Variants in SDK2 observed in about 807,000 individuals in gnomAD.
SDK2 encodes the protein protein sidekick-2.
In SDK2, 105 loss-of-function variants were observed where a neutral mutation model predicts 253.9. The observed-to-expected ratio is 0.41, with a 90% CI of 0.35 to 0.49. The LOEUF is 0.49. Ranked by LOEUF, SDK2 falls within the 20% of genes least tolerant of loss-of-function variation. SDK2 has a pLI of 0.06. For missense variants in SDK2, 2,608 were observed against 3,003.0 expected, an observed-to-expected ratio of 0.87 and a Z score of 3.07; for synonymous variants, 1,249 against 1,234.9, an observed-to-expected ratio of 1.01 and a Z score of -0.24.
chr17:73,488,238 G>C (rs945546998), intron 2 of SDK2, among the ~76,000 whole-genome samples: 1 of 151,976 alleles, frequency 6.6e-6, no homozygotes, highest in Non-Finnish European at 1.5e-5. Context: ...GGATGGTCTC[G>C]ATCTCCTAAC....
At chr17:73,598,223 G>GA (rs2045787588) in intron 1 of SDK2, among the ~76,000 whole-genome samples, 1 of 152,156 alleles carries the variant, frequency 6.6e-6, no homozygotes, top group Non-Finnish European at 1.5e-5. Context: ...CAGGTGACAG[G>GA]AGTAGGCCGG....
At chr17:73,621,576 G>T (rs1316200650) in intron 1 of SDK2, among the ~76,000 whole-genome samples, 1 of 151,726 alleles carries the variant, frequency 6.6e-6, no homozygotes, top group African/African-American at 2.4e-5. Flanking sequence ...TAGAAAGCTA[G>T]AAGTTATATA....
At chr17:73,581,742 C>A (rs1222662743) in intron 1 of SDK2, among the ~76,000 whole-genome samples, 2 of 152,240 alleles carry the variant, frequency 1.3e-5, no homozygotes, top group Non-Finnish European at 1.5e-5. Context: ...AGCCTGTCTG[C>A]ACCTGACGCA....
At chr17:73,388,437 C>A (rs2062892836) in intron 29 of SDK2, among the ~76,000 whole-genome samples, 1 of 152,218 alleles carries the variant, frequency 6.6e-6, no homozygotes, top group Non-Finnish European at 1.5e-5. Context: ...TCATTCCAGG[C>A]CCTAGCTTGG....
intron 10 of SDK2, among the ~76,000 whole-genome samples, chr17:73,432,689 G>C (rs1274833653): frequency 1.3e-5 from 2 of 150,550 alleles, no homozygotes; most frequent in Admixed American, 1.3e-4. Flanking sequence ...GAGGGCTGGG[G>C]GCTGGGGCAG....
intron 29 of SDK2, among the ~76,000 whole-genome samples, chr17:73,389,711 A>G (rs2062910974): frequency 6.6e-6 from 1 of 152,104 alleles, no homozygotes; most frequent in African/African-American, 2.4e-5. Flanking sequence ...CAGGGCTGTG[A>G]GTGGGGAGGG....
In SDK2 at chr17:73,393,616, C is replaced by T. The variant is rs758215851; in HGVS notation, c.3842G>A (p.Arg1281His). ...LYEVQVLAFTRIGDGSPSHPP... is the reference protein window; with the variant it reads ...LYEVQVLAFTHIGDGSPSHPP... ...GTGGCTGGGGCTGCCGTCCCCGATG[C>T]GTGTGAAGGCCAGCACCTGGACTTC... Residue 1281 changes from arginine to histidine, a missense_variant, in exon 27 of 45, where the codon CGC (arginine) becomes CAC (histidine). Around this residue, in one of 2 missense-constraint regions of SDK2, gnomAD observed 1,505 missense variants for 1,859.1 expected, o/e 0.81. Transcript: ENST00000392650. The T allele has an allele frequency of 1.3e-5, 21 of 1,587,746 alleles. No homozygotes were observed. The highest frequency in any genetic ancestry group is 4.5e-5 in the South Asian group (4 of 88,128).
At chr17:73,354,780 C>T (rs908416292) in intron 40 of SDK2, among the ~76,000 whole-genome samples, 2 of 151,988 alleles carry the variant, frequency 1.3e-5, no homozygotes, top group African/African-American at 4.8e-5. Flanking sequence ...ATGCAGGGCC[C>T]GTTCTTCTCG....
At position 73,424,008 on chromosome 17, in the gene SDK2, G is replaced by T; in HGVS notation, c.1668C>A (p.Ile556=). Residue 556 remains isoleucine (I), a synonymous_variant, in exon 13 of 45, where the codon ATC becomes ATA. Coordinates refer to ENST00000392650, the MANE Select transcript of SDK2 (RefSeq NM_001144952.2). ...IRLDRNGSLH[I]SQTWSGDIGT... is the part of the protein sequence containing the mutation. ...CGATGTCTCCCGACCACGTCTGTGA[G>T]ATGTGCAGGGAGCCGTTTCTGTCCA... 1 of 1,612,284 alleles carries T rather than the reference G, an allele frequency of 6.2e-7. No homozygotes were observed. The highest frequency in any genetic ancestry group is 1.1e-5 in the South Asian group (1 of 90,612).
At chr17:73,369,061 C>G (rs754594038) in intron 36 of SDK2, 1 of 397,508 alleles carries the variant, frequency 2.5e-6, no homozygotes, top group Non-Finnish European at 5.3e-6. Flanking sequence ...CTTTCTGGAA[C>G]CTTCCTTTTC....
At chr17:73,423,858 C>T in intron 13 of SDK2, 58 bp downstream of exon 13, 1 of 1,402,850 alleles carries the variant, frequency 7.1e-7, no homozygotes, top group Non-Finnish European at 9.6e-7. Context: ...TGGCTCTGAG[C>T]ATGCCAGTTG....
intron 38 of SDK2, among the ~76,000 whole-genome samples, chr17:73,364,783 G>A (rs2062669861): frequency 6.6e-6 from 1 of 151,998 alleles, no homozygotes; most frequent in Non-Finnish European, 1.5e-5. Flanking sequence ...CACCACACCC[G>A]GCTAATTTTT....
At chr17:73,454,606 T>C (rs2063509976) in intron 4 of SDK2, among the ~76,000 whole-genome samples, 1 of 152,174 alleles carries the variant, frequency 6.6e-6, no homozygotes, top group African/African-American at 2.4e-5. Context: ...AGTGTGGCTG[T>C]CCGGAAAGAG....
Position 73,643,676 on chromosome 17 carries a change from CG to C in SDK2, c.64+348del, listed in dbSNP as rs2046426366. Among the ~76,000 whole-genome samples, 1 of 152,104 alleles carries C rather than the reference CG, an allele frequency of 6.6e-6. No individual in the cohort carries two copies. Among genetic ancestry groups the C allele is most frequent in the Non-Finnish European group, 1.5e-5 (1 of 68,006 alleles). On this transcript the variant is annotated intron_variant, in intron 1 of 44. Transcript: ENST00000392650. This position sits in a 1 kb window ranked among gnomAD's most constrained non-coding sequence, Gnocchi z 6.9. ...GTCTGGGAAGCTCAGCGTAGCCGAGCGTGGAGCCCGGCACGGAATGTCGCTC... is the reference window on the plus strand; with the variant it reads ...GTCTGGGAAGCTCAGCGTAGCCGAGCTGGAGCCCGGCACGGAATGTCGCTC...
intron 8 of SDK2, among the ~76,000 whole-genome samples, chr17:73,436,769 C>T (rs147835287): frequency 7.2e-5 from 11 of 151,984 alleles, no homozygotes; most frequent in Admixed American, 4.6e-4. Flanking sequence ...GTCACGTCTC[C>T]GAGATCAGGA....
At chr17:73,456,186 A>G in intron 3 of SDK2, 133 bp from the exon 4 acceptor site, 1 of 1,009,502 alleles carries the variant, frequency 9.9e-7, no homozygotes, top group Non-Finnish European at 1.4e-6. Flanking sequence ...GAAGGAGGAC[A>G]CCTTGCTCGG....
intron 2 of SDK2, among the ~76,000 whole-genome samples, chr17:73,484,345 G>T (rs1464865816): frequency 5.9e-5 from 9 of 152,214 alleles, no homozygotes; most frequent in Admixed American, 1.3e-4. Flanking sequence ...GCAGCCCCAT[G>T]GACCCACTTC....
chr17:73,625,637 TTTTTTC>T (rs371759138), intron 1 of SDK2, among the ~76,000 whole-genome samples: 148 of 152,284 alleles, frequency 9.7e-4, no homozygotes, highest in African/African-American at 2.8e-3. Context: ...TTTTCTTTTC[TTTTTTC>T]TTTTTCTTTT....
chr17:73,401,594 C>G, intron 20 of SDK2, 60 bp downstream of exon 20: 1 of 1,429,920 alleles, frequency 7.0e-7, no homozygotes, highest in Non-Finnish European at 9.7e-7. Flanking sequence ...GGGGATGGAC[C>G]AGCTCTGACC....
Sources: gnomAD v4.1 joint callset for allele counts (sites outside exome capture counted in the v4.1 genomes callset) on GRCh38, gnomAD v4.1.1 for gene constraint, gnomAD v4.1.1 regional missense constraint, Gnocchi (gnomAD v3.1) non-coding constraint, MANE v1.5 for transcripts, NCBI Gene and HGNC (gene_info 2026-07-23, HGNC 2026-07-21) for gene names.